HACE1: variants seen among roughly 807,000 people sequenced by gnomAD.
The protein encoded by HACE1 is HECT domain and ankyrin repeat containing E3 ubiquitin protein ligase 1.
In HACE1, 73 loss-of-function variants were observed where a neutral mutation model predicts 118.4. The observed-to-expected ratio is 0.62, with a 90% CI of 0.51 to 0.75. The LOEUF (loss-of-function observed/expected upper bound fraction) is 0.75, where lower values mean the gene tolerates loss of function less well. HACE1 is among the 30% of genes least tolerant of loss of function. HACE1 has a pLI of 0.00. For synonymous variants in HACE1, 368 were observed against 374.8 expected (o/e 0.98, Z 0.21); for missense variants, 749 against 1,102.2 (o/e 0.68, Z 4.54).
chr6:104,752,718 T>C (rs1465541411), intron 19 of HACE1, among the ~76,000 whole-genome samples: 1 of 152,106 alleles, frequency 6.6e-6, no homozygotes. Context: ...TTAATTCCTA[T>C]TATTTCCTCC....
intron 20 of HACE1, among the ~76,000 whole-genome samples, chr6:104,745,009 C>T (rs1458682706): frequency 6.6e-6 from 1 of 151,958 alleles, no homozygotes; most frequent in Non-Finnish European, 1.5e-5. Context: ...ATGAAAGTGA[C>T]AACAAAGACC....
chr6:104,808,644 A>G (rs1771284915), intron 7 of HACE1, among the ~76,000 whole-genome samples: 1 of 152,194 alleles, frequency 6.6e-6, no homozygotes, highest in African/African-American at 2.4e-5. Flanking sequence ...TTATCAACCA[A>G]TAAAAACTAT....
At chr6:104,729,842 T>TA in intron 23 of HACE1, 78 bp from the exon 24 acceptor site, 2 of 736,052 alleles carry the variant, frequency 2.7e-6, no homozygotes, top group Non-Finnish European at 4.9e-6. Flanking sequence ...GTGAAAACAC[T>TA]ACTCATAATT....
chr6:104,803,213 C>CA (rs1224239960), intron 7 of HACE1, among the ~76,000 whole-genome samples: 1 of 152,044 alleles, frequency 6.6e-6, no homozygotes, highest in African/African-American at 2.4e-5. Flanking sequence ...GCCTACCAAC[C>CA]AAAAAAAGTC....
intron 4 of HACE1, 54 bp from the exon 5 acceptor site, chr6:104,843,352 G>C (rs1775298889): frequency 9.6e-6 from 8 of 829,796 alleles, no homozygotes; most frequent in Non-Finnish European, 1.3e-5. Context: ...ATATGCAAAT[G>C]ACAATTAATT....
chr6:104,733,019 A>T (rs1191685349), intron 22 of HACE1, among the ~76,000 whole-genome samples: 2 of 152,228 alleles, frequency 1.3e-5, no homozygotes, highest in Non-Finnish European at 2.9e-5. Flanking sequence ...TTGTAAGTTG[A>T]AATAAAATTC....
At chr6:104,779,402 G>C (rs1165724772) in intron 14 of HACE1, among the ~76,000 whole-genome samples, 1 of 152,168 alleles carries the variant, frequency 6.6e-6, no homozygotes, top group Non-Finnish European at 1.5e-5. Context: ...ATCGATGAGA[G>C]ATGAACTTCT....
At chr6:104,734,769 G>T (rs6571202) in intron 22 of HACE1, among the ~76,000 whole-genome samples, 84,506 of 151,938 alleles carry the variant, frequency 0.56, 25,208 homozygotes, top group African/African-American at 0.79. Context: ...AGTGGAGAAG[G>T]CTTGCATATT....
chr6:104,791,444 C>A, intron 11 of HACE1, 60 bp downstream of exon 11: 3 of 1,430,464 alleles, frequency 2.1e-6, no homozygotes, highest in South Asian at 2.3e-5. Flanking sequence ...TGAATGCATG[C>A]TTTGTCAAAT....
chr6:104,752,646 C>T (rs987430381), intron 19 of HACE1, among the ~76,000 whole-genome samples: 3 of 151,938 alleles, frequency 2.0e-5, no homozygotes, highest in African/African-American at 4.8e-5. Flanking sequence ...CTCATGTGAA[C>T]GTTACCTATT....
At chr6:104,810,023 T>A (rs967284892) in intron 7 of HACE1, among the ~76,000 whole-genome samples, 1 of 152,078 alleles carries the variant, frequency 6.6e-6, no homozygotes, top group South Asian at 2.1e-4. Context: ...ATATGTGAGA[T>A]TCTGTGGTAC....
chr6:104,801,243 G>C (rs773577410), intron 7 of HACE1, among the ~76,000 whole-genome samples: 4 of 152,156 alleles, frequency 2.6e-5, no homozygotes, highest in Non-Finnish European at 5.9e-5. Flanking sequence ...ATGTTTGATT[G>C]GTGTACCTGA....
Position 104,776,823 on chromosome 6 carries a change from T to A in HACE1, c.1782A>T (p.Gln594His). 1.2e-6 allele frequency: 2 copies of A among 1,601,084 alleles called. No individual in the cohort carries two copies. The change falls in exon 17 of 24, where the codon CAA becomes CAT. Residue 594 changes from glutamine to histidine, a missense_variant. By Grantham distance (24) the Gln-to-His change is conservative. Around this residue, in one of 5 missense-constraint regions of HACE1, gnomAD observed 195 missense variants for 322.1 expected, o/e 0.61. Transcript: ENST00000262903. ...TATCAAACCACTCACGCACAACACC[T>A]TGACCCTGAATTCAAGAAATAAAAT... Reference protein sequence around the residue: ...VRFHGEEGMGQGVVREWFDIL... With the variant: ...VRFHGEEGMGHGVVREWFDIL...
chr6:104,736,714 TATC>T (rs1442355213), intron 22 of HACE1, among the ~76,000 whole-genome samples: 1 of 152,168 alleles, frequency 6.6e-6, no homozygotes, highest in Non-Finnish European at 1.5e-5. Flanking sequence ...ATTTCCATAT[TATC>T]ATAAAAATAC....
intron 19 of HACE1, among the ~76,000 whole-genome samples, chr6:104,763,288 A>C (rs551005899): frequency 6.6e-6 from 1 of 152,324 alleles, no homozygotes; most frequent in African/African-American, 2.4e-5. Flanking sequence ...TAGTAAAAAA[A>C]CAAATCTCAT....
rs1779793462 is a variant in HACE1 at position 104,764,807 on chromosome 6, A to G, written c.2211+6386T>C. On this transcript the variant is annotated intron_variant, in intron 19 of 23. Coordinates refer to ENST00000262903, the MANE Select transcript of HACE1 (RefSeq NM_020771.4). ...ATTTTTTTGCATATGTAAGGCAGTC[A>G]AACATCATTTCTTTCACTTGACATA... Among the ~76,000 whole-genome samples, 4 of 152,210 alleles carry G rather than the reference A, an allele frequency of 2.6e-5. 1 individual carries two copies. In the South Asian group the frequency reaches 8.3e-4, roughly 31 times the overall value.
At chr6:104,821,152 T>A in intron 6 of HACE1, among the ~76,000 whole-genome samples, 1 of 152,078 alleles carries the variant, frequency 6.6e-6, no homozygotes, top group East Asian at 1.9e-4. Flanking sequence ...AACACATGGA[T>A]ACAGAGGGGA....
rs143435330 is a variant in HACE1, at chr6:104,822,983, G to A, written c.534+10059C>T. On this transcript the variant is annotated intron_variant, in intron 6 of 23. Coordinates refer to ENST00000262903, the MANE Select transcript of HACE1 (RefSeq NM_020771.4). Reference sequence around the variant, plus strand: ...CCTCTACTGTTCTCATCAAACTGGTGAGACAAACTTGAAGCAAATCATAGA... The same window carrying A: ...CCTCTACTGTTCTCATCAAACTGGTAAGACAAACTTGAAGCAAATCATAGA... Among the ~76,000 whole-genome samples, 1,450 of 152,230 alleles carry A rather than the reference G, an allele frequency of 9.5e-3. 21 individuals carry two copies. The highest frequency in any genetic ancestry group is 0.034 in the African/African-American group (1,396 of 41,524).
chr6:104,792,906 C>G (rs570517553), intron 10 of HACE1, among the ~76,000 whole-genome samples: 2 of 152,268 alleles, frequency 1.3e-5, no homozygotes, highest in Non-Finnish European at 2.9e-5. Flanking sequence ...GCTGCAGAAG[C>G]TCAAGGTTGT....
Sources: allele counts gnomAD v4.1 joint callset (sites outside exome capture counted in the v4.1 genomes callset), GRCh38; gene constraint gnomAD v4.1.1; regional missense constraint gnomAD v4.1.1; transcripts MANE v1.5; gene names NCBI Gene and HGNC (gene_info 2026-07-23, HGNC 2026-07-21).